NTM: variants seen among roughly 807,000 people sequenced by gnomAD.
NTM encodes neurotrimin, also known as IgLON family member 2.
NTM carries 13 observed loss-of-function variants against 42.1 expected under a neutral mutation model. The ratio of observed to expected loss-of-function variants is 0.31; its 90% confidence interval spans 0.20 to 0.49. The LOEUF is 0.49. Among genes scored for constraint, NTM ranks in the 20% least tolerant of loss-of-function variants. The pLI is 0.99. For missense variants in NTM, 373 were observed against 452.8 expected (o/e 0.82, Z 1.60); for synonymous variants, 187 against 179.2 (o/e 1.04, Z -0.35).
At chr11:131,887,880 T>C (rs899993634) in intron 1 of NTM, among the ~76,000 whole-genome samples, 3 of 152,184 alleles carry the variant, frequency 2.0e-5, no homozygotes, top group East Asian at 3.9e-4. Context: ...GGTACTATTA[T>C]TGTCATCTTC....
rs995282119 is a variant in NTM at position 132,230,649 on chromosome 11, C to T, written c.526+18502C>T. Among the ~76,000 whole-genome samples the T allele has an allele frequency of 2.0e-5, 3 of 152,192 alleles. No individual in the cohort carries two copies. The South Asian group carries it at 6.2e-4, about 32-fold the overall frequency. The stretch of plus-strand genomic sequence containing the variant: ...GCCATCTCCTCTGTCAAGTTAAGAC[C>T]GTGATAGGATGTATATTCCTAGCTT... On this transcript the variant is annotated intron_variant, in intron 4 of 8. Coordinates refer to ENST00000683400, the MANE Select transcript of NTM (RefSeq NM_001352005.2).
intron 1 of NTM, among the ~76,000 whole-genome samples, chr11:131,460,069 G>A (rs1024434694): frequency 3.9e-5 from 6 of 152,146 alleles, no homozygotes; most frequent in Non-Finnish European, 4.4e-5. Context: ...GTAATTTCCC[G>A]AAAAGTTGAG....
chr11:132,249,543 G>C lies in NTM; in HGVS notation c.526+37396G>C, dbSNP rs1412882447. ...GCAGGAGGAAATTCCTGGAGAAATT[G>C]TCTCTTGAGTCAGGTTGTTGGATTT... On this transcript the variant is annotated intron_variant, in intron 4 of 8. Transcript: ENST00000683400. Among the ~76,000 whole-genome samples the C allele has an allele frequency of 4.6e-5, 7 of 152,214 alleles. No homozygotes were observed. In the South Asian group the frequency reaches 6.2e-4, roughly 14 times the overall value.
intron 1 of NTM, among the ~76,000 whole-genome samples, chr11:131,885,524 C>T (rs1055162283): frequency 6.6e-6 from 1 of 152,062 alleles, no homozygotes. Context: ...CTAATAGCAT[C>T]CCACGCTCTT....
At chr11:131,650,294 A>G (rs1338128821) in intron 1 of NTM, among the ~76,000 whole-genome samples, 1 of 152,164 alleles carries the variant, frequency 6.6e-6, no homozygotes, top group Non-Finnish European at 1.5e-5. Flanking sequence ...GTACATCCTC[A>G]CAGGTGTGCT....
At chr11:131,591,116 T>G (rs2059326774) in intron 1 of NTM, among the ~76,000 whole-genome samples, 1 of 152,182 alleles carries the variant, frequency 6.6e-6, no homozygotes, top group South Asian at 2.1e-4. Flanking sequence ...CTTCAACTTC[T>G]TAGGGAAATT....
intron 1 of NTM, among the ~76,000 whole-genome samples, chr11:131,604,012 A>G (rs1454369235): frequency 6.6e-6 from 1 of 152,102 alleles, no homozygotes; most frequent in Non-Finnish European, 1.5e-5. Flanking sequence ...TACAAGTTTT[A>G]GTGTAGACAT....
chr11:132,217,338 TTCTC>T (rs3066163), intron 4 of NTM, among the ~76,000 whole-genome samples: 5,339 of 146,958 alleles, frequency 0.036, 103 homozygotes, highest in Non-Finnish European at 0.043. Flanking sequence ...TTGTGCCTCT[TTCTC>T]TCTCTCTCTC....
intron 4 of NTM, among the ~76,000 whole-genome samples, chr11:132,283,392 TAAGGGAGTGGCTC>T (rs1427079772): frequency 6.6e-6 from 1 of 152,168 alleles, no homozygotes; most frequent in Non-Finnish European, 1.5e-5. Flanking sequence ...CCAATAGTTC[TAAGGGAGTGGCTC>T]AAGATAATTA....
rs138128016 is a variant in NTM, at chr11:131,623,719, G to A, written c.82+252831G>A. Among the ~76,000 whole-genome samples the A allele has an allele frequency of 7.2e-3, 1,097 of 152,322 alleles. 4 individuals are homozygous for A. Among genetic ancestry groups the A allele is most frequent in the Non-Finnish European group, 0.013 (875 of 68,032 alleles). On this transcript the variant is annotated intron_variant, in intron 1 of 8. Coordinates refer to ENST00000683400, the MANE Select transcript of NTM (RefSeq NM_001352005.2). The stretch of plus-strand genomic sequence containing the variant: ...TGGGCTCCAGTGTGTCCCCCTCTGG[G>A]CCAGGCCCACTCTCCCTCCCTTGGG...
chr11:131,392,739 A>G (rs1426856961), intron 1 of NTM, among the ~76,000 whole-genome samples: 1 of 152,196 alleles, frequency 6.6e-6, no homozygotes, highest in Non-Finnish European at 1.5e-5. Context: ...GGCAGAATCT[A>G]CATGCACTCC....
At chr11:131,727,973 T>C (rs1056359673) in intron 1 of NTM, among the ~76,000 whole-genome samples, 1 of 152,228 alleles carries the variant, frequency 6.6e-6, no homozygotes, top group Non-Finnish European at 1.5e-5. Context: ...GTATACCATG[T>C]TGCCTAATGT....
chr11:132,256,634 A>ATTT (rs11433579), intron 4 of NTM, among the ~76,000 whole-genome samples: 2 of 137,294 alleles, frequency 1.5e-5, no homozygotes, highest in African/African-American at 2.7e-5. Context: ...CTGTTGGTTG[A>ATTT]TTTTTTTTTT....
At chr11:131,504,231 C>A (rs1010387940) in intron 1 of NTM, among the ~76,000 whole-genome samples, 3 of 152,192 alleles carry the variant, frequency 2.0e-5, no homozygotes, top group African/African-American at 7.2e-5. Flanking sequence ...ACAGCGCATG[C>A]CTGAATTCAG....
At chr11:131,734,224 G>A (rs1326327611) in intron 1 of NTM, among the ~76,000 whole-genome samples, 2 of 152,120 alleles carry the variant, frequency 1.3e-5, no homozygotes, top group Non-Finnish European at 2.9e-5. Context: ...TAGGTGAACT[G>A]AGGCTGTCCT....
intron 1 of NTM, among the ~76,000 whole-genome samples, chr11:131,430,922 T>C (rs1261944126): frequency 3.9e-5 from 6 of 152,244 alleles, no homozygotes; most frequent in African/African-American, 7.2e-5. Context: ...CCCAAACATG[T>C]TGCTGGATCA....
chr11:131,489,618 C>G (rs1057099294), intron 1 of NTM, among the ~76,000 whole-genome samples: 1 of 152,192 alleles, frequency 6.6e-6, no homozygotes, highest in Non-Finnish European at 1.5e-5. Flanking sequence ...TACCCGAAGG[C>G]CCATATTTTG....
chr11:131,789,429 G>GAAGAAGAAGGAGAAGAAGGA (rs1555127048), intron 1 of NTM, among the ~76,000 whole-genome samples: 1 of 11,964 alleles, frequency 8.4e-5, no homozygotes, highest in African/African-American at 5.2e-4. Context: ...AAAAGAAGAA[G>GAAGAAGAAGGAGAAGAAGGA]GAAGAAGAAG....
At chr11:132,067,853 T>C (rs2056754904) in intron 2 of NTM, among the ~76,000 whole-genome samples, 1 of 152,240 alleles carries the variant, frequency 6.6e-6, no homozygotes, top group Admixed American at 6.5e-5. Flanking sequence ...GAGCTTATTT[T>C]CTTTCTATGG....
Sources: allele counts gnomAD v4.1 joint callset (sites outside exome capture counted in the v4.1 genomes callset), GRCh38; gene constraint gnomAD v4.1.1; transcripts MANE v1.5; gene names NCBI Gene and HGNC (gene_info 2026-07-23, HGNC 2026-07-21).